The following PIEZO2 variants were observed in gnomAD, a reference collection of about 807,000 sequenced individuals.
The protein encoded by PIEZO2 is piezo type mechanosensitive ion channel component 2, also known as piezo-type mechanosensitive ion channel component 2.
PIEZO2 carries 172 observed loss-of-function variants against 337.3 expected under a neutral mutation model. The ratio of observed to expected loss-of-function variants is 0.51; its 90% CI spans 0.45 to 0.58. The LOEUF (loss-of-function observed/expected upper bound fraction) is 0.58. Among genes scored for constraint, PIEZO2 ranks in the 20% least tolerant of loss-of-function variants. PIEZO2 has a pLI of 0.00. For missense variants in PIEZO2, 3,028 were observed against 3,391.3 expected (o/e 0.89, Z 2.66); for synonymous variants, 1,251 against 1,228.5 (o/e 1.02, Z -0.38).
At chr18:10,843,853 A>C (rs1335003293) in intron 7 of PIEZO2, among the ~76,000 whole-genome samples, 3 of 152,206 alleles carry the variant, frequency 2.0e-5, no homozygotes, top group Admixed American at 2.0e-4. Flanking sequence ...GGGCTACCTC[A>C]TGGTGTTATG....
chr18:10,830,419 T>G lies in PIEZO2; in HGVS notation c.918-23145A>C, dbSNP rs1169428556. ...ATACCCCACAAGCACAGACAACCAA[T>G]GCAACCTAGCACCATTTATTGAAGA... is the stretch of plus-strand genomic sequence containing the variant. On this transcript the variant is annotated intron_variant, in intron 7 of 55. Transcript: ENST00000674853. This position sits in a 1 kb window ranked among gnomAD's most constrained non-coding sequence, Gnocchi z 4.7. 7.1e-6 allele frequency among the ~76,000 whole-genome samples: 1 copy of G among 141,532 alleles called. No homozygotes were observed. The highest frequency in any genetic ancestry group is 1.5e-5 in the Non-Finnish European group (1 of 64,934). 92.9% of individuals were successfully genotyped at this position (141,532 alleles called of 152,430 possible). A position where few individuals can be genotyped will look rare whatever the true frequency, so the allele number is the denominator to read the frequency against.
intron 3 of PIEZO2, among the ~76,000 whole-genome samples, chr18:10,948,786 T>G (rs1364587109): frequency 6.6e-6 from 1 of 152,208 alleles, no homozygotes; most frequent in Non-Finnish European, 1.5e-5. Context: ...TGATGGAGAA[T>G]TTGACCTTAG....
intron 2 of PIEZO2, among the ~76,000 whole-genome samples, chr18:11,044,808 T>C (rs1004823024): frequency 6.6e-6 from 1 of 152,198 alleles, no homozygotes; most frequent in African/African-American, 2.4e-5. Flanking sequence ...TACATTTTTG[T>C]CCACAGATCA....
intron 1 of PIEZO2, among the ~76,000 whole-genome samples, chr18:11,067,503 C>A (rs2038191593): frequency 6.6e-6 from 1 of 152,108 alleles, no homozygotes; most frequent in East Asian, 1.9e-4. Context: ...AAACTCACTT[C>A]ACATTTAAGA....
At chr18:10,800,312 C>A (rs775671774) in intron 11 of PIEZO2, 25 bp downstream of exon 11, 4 of 1,514,124 alleles carry the variant, frequency 2.6e-6, no homozygotes, top group Non-Finnish European at 3.5e-6. Flanking sequence ...AGAAATGCGA[C>A]CCTGAGTGCA....
chr18:10,976,999 A>ATGTGTGTG lies in PIEZO2; in HGVS notation c.286+2535_286+2536insCACACACA, dbSNP rs1491283264. ...GAAGAAGGAGCCAAAGCAAGAACAA[A>ATGTGTGTG]TATGTGTGTGTGTGTGTGTGTGTGT... is the stretch of plus-strand genomic sequence containing the variant. On this transcript the variant is annotated intron_variant, in intron 3 of 55. Transcript: ENST00000674853. Among the ~76,000 whole-genome samples the ATGTGTGTG allele has an allele frequency of 9.1e-3, 456 of 50,224 alleles. 2 individuals are homozygous for ATGTGTGTG. The highest frequency in any genetic ancestry group is 0.027 in the Middle Eastern group (3 of 110). The allele number at this position is 50,224 out of a possible 152,430, so 32.9% of individuals were successfully genotyped here.
chr18:11,064,384 A>C (rs1197577146), intron 2 of PIEZO2, among the ~76,000 whole-genome samples: 2 of 151,902 alleles, frequency 1.3e-5, no homozygotes, highest in Admixed American at 1.3e-4. Context: ...TTCCTTTCCA[A>C]CTCCTTCTTC....
intron 3 of PIEZO2, among the ~76,000 whole-genome samples, chr18:10,925,587 T>A (rs538239693): frequency 3.6e-4 from 55 of 151,826 alleles, no homozygotes; most frequent in Admixed American, 2.0e-3. Flanking sequence ...GAAAAAAAAT[T>A]TTTTTTTTCT....
rs12970414 is a variant in PIEZO2 at position 10,955,873 on chromosome 18, G to A, written c.286+23662C>T. 9.2e-3 allele frequency among the ~76,000 whole-genome samples: 1,404 copies of A among 152,232 alleles called. 15 individuals carry two copies. The highest frequency in any genetic ancestry group is 0.015 in the Non-Finnish European group (1,002 of 67,994). ...AAGGATTTAAATTTTTTGTTTGTTT[G>A]TTTTTAAGCTACCATATCCCCAGCA... On this transcript the variant is annotated intron_variant, in intron 3 of 55. Coordinates refer to ENST00000674853, the MANE Select transcript of PIEZO2 (RefSeq NM_001378183.1).
At chr18:10,800,942 C>T (rs1018025169) in intron 10 of PIEZO2, among the ~76,000 whole-genome samples, 3 of 152,234 alleles carry the variant, frequency 2.0e-5, no homozygotes, top group Non-Finnish European at 4.4e-5. Context: ...TGCAAACATC[C>T]CTTGGATCTC....
chr18:10,856,899 G>A lies in PIEZO2; in HGVS notation c.703+102C>T. ...GCTACAGTTATGATATTCATGTGGTGGAACAGACTGTTTCCTTCATTTCTT... is the reference window on the plus strand; with the variant it reads ...GCTACAGTTATGATATTCATGTGGTAGAACAGACTGTTTCCTTCATTTCTT... On this transcript the variant is annotated intron_variant, in intron 6 of 55. Transcript: ENST00000674853. This position sits in a 1 kb window ranked among gnomAD's most constrained non-coding sequence, Gnocchi z 4.7. 4 of 1,071,814 alleles carry A rather than the reference G, an allele frequency of 3.7e-6. No homozygotes were observed. Among genetic ancestry groups the A allele is most frequent in the Non-Finnish European group, 5.4e-6 (4 of 738,264 alleles). The allele number at this position is 1,071,814 out of a possible 1,614,324, so 66.4% of individuals were successfully genotyped here.
At position 10,870,665 on chromosome 18, in the gene PIEZO2, C is replaced by T. The variant is rs1029372726; in HGVS notation, c.492+588G>A. 2.3e-4 allele frequency among the ~76,000 whole-genome samples: 35 copies of T among 152,106 alleles called. No homozygotes were observed. Among genetic ancestry groups the T allele is most frequent in the African/African-American group, 7.5e-4 (31 of 41,440 alleles). ...TCCAATTCAGCAGTTGCTCCTGAAACCTTTCAACCAGCTAGCAAACATACA... is the reference window on the plus strand; with the variant it reads ...TCCAATTCAGCAGTTGCTCCTGAAATCTTTCAACCAGCTAGCAAACATACA... On this transcript the variant is annotated intron_variant, in intron 5 of 55. Coordinates refer to ENST00000674853, the MANE Select transcript of PIEZO2 (RefSeq NM_001378183.1). The surrounding 1 kb of genome is among the most constrained non-coding windows in gnomAD (Gnocchi z 5.3).
intron 1 of PIEZO2, among the ~76,000 whole-genome samples, chr18:11,114,884 T>G (rs1195673600): frequency 6.6e-6 from 1 of 152,168 alleles, no homozygotes; most frequent in East Asian, 1.9e-4. Flanking sequence ...ATACTTCCAC[T>G]GACTTAGCTC....
chr18:10,860,600 C>T (rs1002773703), intron 5 of PIEZO2, among the ~76,000 whole-genome samples: 1 of 152,196 alleles, frequency 6.6e-6, no homozygotes, highest in African/African-American at 2.4e-5. Context: ...GTGAGCAACA[C>T]ATTTAAAATC....
intron 2 of PIEZO2, among the ~76,000 whole-genome samples, chr18:11,023,402 A>G (rs184800291): frequency 6.6e-6 from 1 of 152,190 alleles, no homozygotes. Flanking sequence ...AGTCCCCACC[A>G]GAGTAGCTAG....
intron 20 of PIEZO2, among the ~76,000 whole-genome samples, chr18:10,772,047 C>T (rs1044367145): frequency 6.6e-6 from 1 of 152,110 alleles, no homozygotes. Context: ...TAACAATTCT[C>T]AATTTTATTA....
chr18:10,857,254 G>C (rs765612868), intron 5 of PIEZO2, 43 bp from the exon 6 acceptor site: 2 of 1,480,924 alleles, frequency 1.4e-6, no homozygotes, highest in African/African-American at 2.8e-5. Flanking sequence ...CCAGGAGCCT[G>C]CCTATCCAGC....
chr18:10,764,444 G>A (rs1318136263), intron 21 of PIEZO2, among the ~76,000 whole-genome samples: 3 of 151,920 alleles, frequency 2.0e-5, no homozygotes, highest in Non-Finnish European at 4.4e-5. Flanking sequence ...GTTCAAGACC[G>A]GCCCGGCCAA....
intron 28 of PIEZO2, among the ~76,000 whole-genome samples, chr18:10,752,255 C>A (rs1423191311): frequency 6.6e-6 from 1 of 152,192 alleles, no homozygotes; most frequent in Non-Finnish European, 1.5e-5. Flanking sequence ...TTTTTGCCAA[C>A]ATAATACAGC....
Sources: gnomAD v4.1 joint callset for allele counts (sites outside exome capture counted in the v4.1 genomes callset) on GRCh38, gnomAD v4.1.1 for gene constraint, Gnocchi (gnomAD v3.1) non-coding constraint, MANE v1.5 for transcripts, NCBI Gene and HGNC (gene_info 2026-07-23, HGNC 2026-07-21) for gene names.